The following GPD2 variants were observed in gnomAD, a reference collection of about 807,000 sequenced individuals.
The protein encoded by GPD2 is glycerol-3-phosphate dehydrogenase, mitochondrial.
A neutral mutation model predicts 82.4 loss-of-function variants in GPD2; 54 were observed. The observed-to-expected ratio is 0.66, with a 90% confidence interval of 0.53 to 0.82. The LOEUF (loss-of-function observed/expected upper bound fraction) is 0.82. Ranked by LOEUF, GPD2 falls within the 40% of genes least tolerant of loss-of-function variation. GPD2 has a pLI of 0.00. For missense variants in GPD2, 748 were observed against 896.2 expected, an observed-to-expected ratio of 0.83 and a Z score of 2.11; for synonymous variants, 288 against 306.1, an observed-to-expected ratio of 0.94 and a Z score of 0.62.
At chr2:156,483,125 AAAAAAAC>A (rs1007431532) in intron 2 of GPD2, among the ~76,000 whole-genome samples, 1 of 152,098 alleles carries the variant, frequency 6.6e-6, no homozygotes, top group Non-Finnish European at 1.5e-5. Context: ...AAAAAACAAA[AAAAAAAC>A]AAAAAACAAA....
intron 2 of GPD2, 51 bp from the exon 3 acceptor site, chr2:156,495,993 T>G: frequency 7.0e-7 from 1 of 1,418,524 alleles, no homozygotes; most frequent in South Asian, 1.2e-5. Context: ...GTAAAATTTG[T>G]TAAATTGACA....
intron 2 of GPD2, among the ~76,000 whole-genome samples, chr2:156,491,802 C>T (rs1394395685): frequency 6.6e-6 from 1 of 152,018 alleles, no homozygotes; most frequent in Non-Finnish European, 1.5e-5. Flanking sequence ...GCTGGTGGAT[C>T]ACGAGGGCAG....
chr2:156,416,685 A>G, the GPD2 span, among the ~76,000 whole-genome samples: 2 of 152,002 alleles, frequency 1.3e-5, no homozygotes, highest in African/African-American at 4.8e-5. Flanking sequence ...TAGAACTTTT[A>G]TGTGTCACTC....
chr2:156,548,303 A>C (rs1290435157), intron 6 of GPD2, among the ~76,000 whole-genome samples: 3 of 152,118 alleles, frequency 2.0e-5, no homozygotes, highest in Admixed American at 6.5e-5. Context: ...TGGAACCGCT[A>C]CCCTTCCCAC....
chr2:156,501,040 G>C (rs1216591441), intron 3 of GPD2, among the ~76,000 whole-genome samples: 1 of 152,040 alleles, frequency 6.6e-6, no homozygotes, highest in Non-Finnish European at 1.5e-5. Flanking sequence ...CACTCCCACA[G>C]GTTCTTCAAG....
intron 1 of GPD2, among the ~76,000 whole-genome samples, chr2:156,446,022 T>A (rs1159423753): frequency 1.3e-5 from 2 of 152,226 alleles, no homozygotes; most frequent in African/African-American, 4.8e-5. Context: ...CAGCAATTCC[T>A]TAGGGCTTTC....
intron 1 of GPD2, among the ~76,000 whole-genome samples, chr2:156,450,710 G>C (rs1682527006): frequency 1.2e-5 from 1 of 84,098 alleles, no homozygotes; most frequent in Non-Finnish European, 2.3e-5. Context: ...GTTTCTCGCA[G>C]AGGGGGATTT....
At chr2:156,408,710 G>A in the GPD2 span, among the ~76,000 whole-genome samples, 1 of 133,958 alleles carries the variant, frequency 7.5e-6, no homozygotes, top group Non-Finnish European at 1.6e-5. Context: ...ACTGCACCTG[G>A]TAAAAAAAAA....
At chr2:156,566,394 C>A (rs1158787033) in intron 9 of GPD2, among the ~76,000 whole-genome samples, 1 of 152,050 alleles carries the variant, frequency 6.6e-6, no homozygotes, top group Non-Finnish European at 1.5e-5. Context: ...CTCTCCCAAC[C>A]CCTTGGCAAC....
intron 3 of GPD2, among the ~76,000 whole-genome samples, chr2:156,507,408 G>A (rs1684826972): frequency 6.6e-6 from 1 of 151,132 alleles, no homozygotes; most frequent in East Asian, 1.9e-4. Context: ...TGCAACTTCT[G>A]TCTTTTGGGC....
chr2:156,468,609 A>G, intron 1 of GPD2, among the ~76,000 whole-genome samples: 1 of 152,166 alleles, frequency 6.6e-6, no homozygotes, highest in Admixed American at 6.5e-5. Flanking sequence ...GTTTTTATTT[A>G]ATGTTTGAAA....
At chr2:156,550,802 G>A in intron 8 of GPD2, 56 bp downstream of exon 8, 1 of 1,439,852 alleles carries the variant, frequency 6.9e-7, no homozygotes, top group Non-Finnish European at 9.8e-7. Flanking sequence ...AGCAGAGATT[G>A]TCTGGTTTAT....
intron 8 of GPD2, among the ~76,000 whole-genome samples, chr2:156,552,082 G>C (rs1686779274): frequency 6.6e-6 from 1 of 152,174 alleles, no homozygotes; most frequent in Non-Finnish European, 1.5e-5. Context: ...TCTTCCTGAA[G>C]AGTCTAAGAT....
chr2:156,484,404 C>CG (rs1210206867), intron 2 of GPD2, among the ~76,000 whole-genome samples: 2 of 152,030 alleles, frequency 1.3e-5, no homozygotes, highest in East Asian at 3.9e-4. Context: ...CCCAAAGAGC[C>CG]GGGATTACAG....
upstream of GPD2, among the ~76,000 whole-genome samples, chr2:156,430,659 G>T (rs1276223607): frequency 6.6e-6 from 1 of 152,158 alleles, no homozygotes; most frequent in African/African-American, 2.4e-5. Flanking sequence ...GAAAGTGTGG[G>T]GTTAACATTT....
chr2:156,475,866 A>G (rs1420123749), intron 1 of GPD2, among the ~76,000 whole-genome samples: 4 of 152,082 alleles, frequency 2.6e-5, no homozygotes, highest in Admixed American at 2.6e-4. Context: ...TCTTTCTTTA[A>G]TTCCTGTCGA....
Position 156,568,791 on chromosome 2 carries a change from A to G in GPD2, c.1166-34A>G, listed in dbSNP as rs751210075. 1.9e-6 allele frequency: 3 copies of G among 1,593,310 alleles called. No individual in the cohort carries two copies. In the South Asian group the frequency reaches 3.3e-5, roughly 18 times the overall value. ...TATTTTTATCAAAATATTTTTGAGC[A>G]ATGTTCATAACCCTTGGCATTGATT... is the stretch of plus-strand genomic sequence containing the variant. On this transcript the variant is annotated intron_variant, in intron 9 of 16. Transcript: ENST00000438166.
intron 2 of GPD2, among the ~76,000 whole-genome samples, chr2:156,493,058 C>G (rs1475073772): frequency 1.3e-5 from 2 of 152,130 alleles, no homozygotes; most frequent in African/African-American, 2.4e-5. Context: ...AAGATTTTCT[C>G]TCTCTCTCTT....
chr2:156,451,549 C>T (rs1163536322), intron 1 of GPD2, among the ~76,000 whole-genome samples: 1 of 130,940 alleles, frequency 7.6e-6, no homozygotes, highest in Non-Finnish European at 1.6e-5. Context: ...CCAGACGGGG[C>T]GGCTGGCCGG....
Sources: allele counts gnomAD v4.1 joint callset (sites outside exome capture counted in the v4.1 genomes callset), GRCh38; gene constraint gnomAD v4.1.1; transcripts MANE v1.5; gene names NCBI Gene and HGNC (gene_info 2026-07-23, HGNC 2026-07-21).